The following SMAP1 variants were observed in gnomAD, a reference collection of about 807,000 sequenced individuals.
SMAP1 encodes small ArfGAP 1, also known as stromal membrane-associated protein 1.
A neutral mutation model predicts 58.5 loss-of-function variants in SMAP1; 24 were observed. The observed-to-expected ratio is 0.41, with a 90% CI of 0.30 to 0.58. The LOEUF (loss-of-function observed/expected upper bound fraction) is 0.58. Ranked by LOEUF, SMAP1 falls within the 20% of genes least tolerant of loss-of-function variation. The pLI is 0.29. For synonymous variants in SMAP1, 216 were observed against 196.6 expected, an observed-to-expected ratio of 1.10 and a Z score of -0.82; for missense variants, 563 against 566.3, an observed-to-expected ratio of 0.99 and a Z score of 0.06.
intron 1 of SMAP1, among the ~76,000 whole-genome samples, chr6:70,716,991 G>A (rs879570651): frequency 6.6e-6 from 1 of 152,140 alleles, no homozygotes; most frequent in Non-Finnish European, 1.5e-5. Context: ...CTGGTGTTGT[G>A]TAGGAGATGA....
At chr6:70,694,887 A>AAAC (rs953820027) in intron 1 of SMAP1, among the ~76,000 whole-genome samples, 1 of 152,342 alleles carries the variant, frequency 6.6e-6, no homozygotes, top group Non-Finnish European at 1.5e-5. Flanking sequence ...GGTATAATTT[A>AAAC]AACAACAACA....
chr6:70,752,936 AT>A (rs1766338193), intron 2 of SMAP1, among the ~76,000 whole-genome samples: 1 of 152,194 alleles, frequency 6.6e-6, no homozygotes, highest in Non-Finnish European at 1.5e-5. Context: ...GAAATGACTC[AT>A]TATTCCACAT....
intron 5 of SMAP1, among the ~76,000 whole-genome samples, chr6:70,797,033 CACTT>C (rs1768635215): frequency 6.6e-6 from 1 of 152,134 alleles, no homozygotes; most frequent in Admixed American, 6.5e-5. Context: ...ACTATTATAA[CACTT>C]ACTGCCTTTT....
chr6:70,836,110 T>C (rs562105342), intron 6 of SMAP1, among the ~76,000 whole-genome samples: 1 of 152,204 alleles, frequency 6.6e-6, no homozygotes, highest in Admixed American at 6.5e-5. Flanking sequence ...CTCCAAGGCC[T>C]CCCCAGTCTC....
rs923506633 is a variant in SMAP1 at position 70,668,534 on chromosome 6, C to T, written c.118+393C>T. ...CTCCTAGCTCTGCTCATAGCTATCT[C>T]TGTGGGTGGGGCCGCGCTTAGGTCT... is the stretch of plus-strand genomic sequence containing the variant. On this transcript the variant is annotated intron_variant, in intron 1 of 10. Transcript: ENST00000370455. 9.2e-6 allele frequency: 14 copies of T among 1,524,522 alleles called. No individual in the cohort carries two copies. The East Asian group carries it at 1.5e-4, about 16-fold the overall frequency. The allele number at this position is 1,524,522 out of a possible 1,614,324, so 94.4% of individuals were successfully genotyped here.
chr6:70,824,048 A>T (rs1205600076), intron 6 of SMAP1, among the ~76,000 whole-genome samples: 2 of 152,134 alleles, frequency 1.3e-5, no homozygotes, highest in Non-Finnish European at 2.9e-5. Flanking sequence ...AGGTTTTCCT[A>T]CCTTGGGACT....
At chr6:70,688,899 A>C (rs1210380767) in intron 1 of SMAP1, among the ~76,000 whole-genome samples, 1 of 152,006 alleles carries the variant, frequency 6.6e-6, no homozygotes, top group African/African-American at 2.4e-5. Flanking sequence ...AAAGTTTTAC[A>C]GTGTTATGTT....
chr6:70,822,644 C>G (rs1769939742), intron 6 of SMAP1, among the ~76,000 whole-genome samples: 1 of 152,092 alleles, frequency 6.6e-6, no homozygotes, highest in Admixed American at 6.6e-5. Context: ...GGCCTTTTAT[C>G]TTAGTTGGTG....
intron 1 of SMAP1, among the ~76,000 whole-genome samples, chr6:70,719,392 T>C (rs1768416147): frequency 6.6e-6 from 1 of 152,174 alleles, no homozygotes; most frequent in African/African-American, 2.4e-5. Flanking sequence ...GAAGCAAGAA[T>C]GAAATGAAGG....
At chr6:70,736,041 A>G (rs1402684415) in intron 2 of SMAP1, among the ~76,000 whole-genome samples, 1 of 152,034 alleles carries the variant, frequency 6.6e-6, no homozygotes, top group Non-Finnish European at 1.5e-5. Context: ...GTAAAATGTA[A>G]ATACTAAGTT....
At chr6:70,669,262 T>A (rs977387252) in intron 1 of SMAP1, among the ~76,000 whole-genome samples, 18 of 152,322 alleles carry the variant, frequency 1.2e-4, no homozygotes, top group African/African-American at 4.1e-4. Flanking sequence ...TCTGTGTTAT[T>A]TGACTTAGAC....
At chr6:70,814,813 T>TA (rs1378665068) in intron 6 of SMAP1, among the ~76,000 whole-genome samples, 3 of 152,172 alleles carry the variant, frequency 2.0e-5, no homozygotes, top group African/African-American at 7.2e-5. Context: ...GATTAAATGT[T>TA]ACCACCGTTT....
At chr6:70,681,113 T>A (rs533537136) in intron 1 of SMAP1, among the ~76,000 whole-genome samples, 4 of 147,822 alleles carry the variant, frequency 2.7e-5, no homozygotes, top group East Asian at 2.0e-4. Context: ...GGAGTTTATT[T>A]AAAAAAAAAA....
chr6:70,768,006 A>G (rs2149905562), intron 3 of SMAP1, among the ~76,000 whole-genome samples: 1 of 151,248 alleles, frequency 6.6e-6, no homozygotes, highest in East Asian at 1.9e-4. Context: ...CTATTGAGAT[A>G]ATCATGTGGT....
At chr6:70,730,980 A>G (rs992334759) in intron 1 of SMAP1, among the ~76,000 whole-genome samples, 18 of 152,204 alleles carry the variant, frequency 1.2e-4, no homozygotes, top group Admixed American at 3.9e-4. Context: ...TTGTATTTTT[A>G]GTAGAGACCG....
At chr6:70,820,480 G>C (rs1001409256) in intron 6 of SMAP1, among the ~76,000 whole-genome samples, 13 of 152,274 alleles carry the variant, frequency 8.5e-5, no homozygotes, top group African/African-American at 2.9e-4. Flanking sequence ...GGGAGGCCGA[G>C]GCGGGCGGAT....
intron 1 of SMAP1, among the ~76,000 whole-genome samples, chr6:70,706,263 C>T (rs1767833384): frequency 6.6e-6 from 1 of 152,004 alleles, no homozygotes; most frequent in South Asian, 2.1e-4. Context: ...TTATATGATA[C>T]AAGAGAAACA....
At chr6:70,804,355 C>T (rs1582222463) in intron 6 of SMAP1, among the ~76,000 whole-genome samples, 1 of 151,572 alleles carries the variant, frequency 6.6e-6, no homozygotes. Flanking sequence ...GTAGGTCTTC[C>T]TCCATCCCTT....
intron 6 of SMAP1, among the ~76,000 whole-genome samples, chr6:70,805,145 C>T (rs145033978): frequency 0.046 from 7,068 of 152,136 alleles, 235 homozygotes; most frequent in Middle Eastern, 0.088. Flanking sequence ...ACCAATCAGA[C>T]GTAGATTTGG....
Sources: allele counts gnomAD v4.1 joint callset (sites outside exome capture counted in the v4.1 genomes callset), GRCh38; gene constraint gnomAD v4.1.1; transcripts MANE v1.5; gene names NCBI Gene and HGNC (gene_info 2026-07-23, HGNC 2026-07-21).